The following DOCK1 variants were observed in gnomAD, a reference collection of about 807,000 sequenced individuals.
The protein encoded by DOCK1 is dedicator of cytokinesis 1.
In DOCK1, 138 loss-of-function variants were observed where a neutral mutation model predicts 262.7. That is an observed-to-expected ratio of 0.53 (90% confidence interval 0.46 to 0.61). The LOEUF is 0.61. Ranked by LOEUF, DOCK1 falls within the 20% of genes least tolerant of loss-of-function variation. The pLI is 0.00. For synonymous variants in DOCK1, 866 were observed against 867.4 expected (o/e 1.00, Z 0.03); for missense variants, 1,908 against 2,370.7 (o/e 0.80, Z 4.05).
chr10:127,415,078 T>A, intron 43 of DOCK1, 74 bp from the exon 44 acceptor site: 1 of 1,389,460 alleles, frequency 7.2e-7, no homozygotes, highest in Non-Finnish European at 1.0e-6. Context: ...ATTCTATAAA[T>A]CCCCCTTAGG....
chr10:127,155,293 A>G (rs750816119), intron 27 of DOCK1, among the ~76,000 whole-genome samples: 1 of 152,060 alleles, frequency 6.6e-6, no homozygotes, highest in Non-Finnish European at 1.5e-5. Flanking sequence ...ATTGTCTGCT[A>G]CATGCCGTGA....
At chr10:127,357,419 T>A (rs1048255786) in intron 32 of DOCK1, among the ~76,000 whole-genome samples, 1 of 152,178 alleles carries the variant, frequency 6.6e-6, no homozygotes, top group Admixed American at 6.5e-5. Flanking sequence ...CTCCAAGTGC[T>A]TGGGCAGGCC....
At chr10:127,311,784 A>G (rs1371098321) in intron 29 of DOCK1, among the ~76,000 whole-genome samples, 1 of 152,206 alleles carries the variant, frequency 6.6e-6, no homozygotes, top group Non-Finnish European at 1.5e-5. Context: ...CTCAGTGAGG[A>G]CAAAGAAGGT....
intron 25 of DOCK1, among the ~76,000 whole-genome samples, chr10:127,121,030 T>C (rs1178187192): frequency 6.6e-6 from 1 of 152,122 alleles, no homozygotes; most frequent in Non-Finnish European, 1.5e-5. Flanking sequence ...TTTAAGTAAC[T>C]CTTAAACGCT....
intron 23 of DOCK1, among the ~76,000 whole-genome samples, chr10:127,082,728 G>T (rs2136024989): frequency 6.6e-6 from 1 of 152,208 alleles, no homozygotes; most frequent in Admixed American, 6.5e-5. Context: ...CAACTGTCTG[G>T]CTGGAGGGGA....
chr10:127,082,654 T>C (rs2046972459), intron 23 of DOCK1, among the ~76,000 whole-genome samples: 1 of 151,066 alleles, frequency 6.6e-6, no homozygotes, highest in Admixed American at 6.6e-5. Flanking sequence ...GCAATTTGGG[T>C]GGGGAGACAG....
chr10:127,233,840 C>G (rs1263771751), intron 27 of DOCK1, among the ~76,000 whole-genome samples: 6 of 152,182 alleles, frequency 3.9e-5, no homozygotes, highest in Non-Finnish European at 8.8e-5. Flanking sequence ...AGGTACCATT[C>G]TTCCCTTCTT....
At chr10:127,185,922 T>G (rs540266402) in intron 27 of DOCK1, among the ~76,000 whole-genome samples, 7 of 152,354 alleles carry the variant, frequency 4.6e-5, no homozygotes, top group African/African-American at 1.7e-4. Flanking sequence ...AAATGTGACT[T>G]GCTAGGAATT....
At chr10:127,233,198 T>C (rs2058918667) in intron 27 of DOCK1, among the ~76,000 whole-genome samples, 1 of 152,230 alleles carries the variant, frequency 6.6e-6, no homozygotes, top group African/African-American at 2.4e-5. Context: ...ATTAGAATTA[T>C]GGTAGTCACC....
intron 1 of DOCK1, among the ~76,000 whole-genome samples, chr10:126,927,795 C>A (rs1012156616): frequency 6.6e-6 from 1 of 152,110 alleles, no homozygotes; most frequent in African/African-American, 2.4e-5. Context: ...GCCCACGTGG[C>A]GACACCCTCC....
chr10:126,990,732 T>C, intron 6 of DOCK1, 129 bp downstream of exon 6: 1 of 1,212,986 alleles, frequency 8.2e-7, no homozygotes, highest in Non-Finnish European at 1.1e-6. Context: ...AATGGCATGT[T>C]TTTCATTTTG....
At chr10:127,119,388 G>T (rs2049397979) in intron 25 of DOCK1, among the ~76,000 whole-genome samples, 1 of 152,186 alleles carries the variant, frequency 6.6e-6, no homozygotes, top group Non-Finnish European at 1.5e-5. Context: ...GTGCGTAGAG[G>T]TGCAGTCCTG....
intron 25 of DOCK1, among the ~76,000 whole-genome samples, chr10:127,114,594 G>C (rs970172036): frequency 6.6e-6 from 1 of 151,562 alleles, no homozygotes; most frequent in African/African-American, 2.4e-5. Context: ...TAGGAGGGGG[G>C]TGCAGTTCAG....
chr10:127,258,969 G>T (rs1285215904), intron 29 of DOCK1, among the ~76,000 whole-genome samples: 1 of 152,122 alleles, frequency 6.6e-6, no homozygotes, highest in African/African-American at 2.4e-5. Flanking sequence ...CTGCTTTCTG[G>T]GGCAGCAGAG....
intron 25 of DOCK1, among the ~76,000 whole-genome samples, chr10:127,122,065 C>T (rs1317243755): frequency 1.3e-5 from 2 of 152,308 alleles, no homozygotes; most frequent in East Asian, 1.9e-4. Flanking sequence ...GTTCCGATAA[C>T]GGGGCATTGG....
intron 29 of DOCK1, chr10:127,271,894 G>A (rs2060581801): frequency 6.7e-6 from 1 of 149,570 alleles, no homozygotes; most frequent in African/African-American, 2.5e-5. Flanking sequence ...AATATGCAGT[G>A]AACAAATACC....
intron 29 of DOCK1, among the ~76,000 whole-genome samples, chr10:127,273,787 CAGG>C (rs1302283868): frequency 6.6e-6 from 1 of 151,234 alleles, no homozygotes; most frequent in Non-Finnish European, 1.5e-5. Context: ...GAGGCTGAGA[CAGG>C]AGAATTGCTT....
chr10:127,297,038 G>T (rs1307397455), intron 29 of DOCK1, among the ~76,000 whole-genome samples: 1 of 152,166 alleles, frequency 6.6e-6, no homozygotes, highest in Admixed American at 6.5e-5. Context: ...GCGTGGGGCA[G>T]CTATTCCCAG....
chr10:127,324,938 C>A (rs188097664), intron 29 of DOCK1, among the ~76,000 whole-genome samples: 3 of 152,132 alleles, frequency 2.0e-5, no homozygotes, highest in Non-Finnish European at 4.4e-5. Context: ...ATCCTCCAGA[C>A]CCACAGCTTC....
Sources: gnomAD v4.1 joint callset for allele counts (sites outside exome capture counted in the v4.1 genomes callset) on GRCh38, gnomAD v4.1.1 for gene constraint, MANE v1.5 for transcripts, NCBI Gene and HGNC (gene_info 2026-07-23, HGNC 2026-07-21) for gene names.